Variants in ZYG11A observed in about 807,000 individuals in gnomAD.
ZYG11A encodes zyg-11 family member A, cell cycle regulator.
In ZYG11A, 62 loss-of-function variants were observed where a neutral mutation model predicts 77.2. The ratio of observed to expected loss-of-function variants is 0.80; its 90% CI spans 0.65 to 0.99. The LOEUF (loss-of-function observed/expected upper bound fraction) is 0.99, where lower values mean the gene tolerates loss of function less well. Ranked by LOEUF, ZYG11A falls within the 50% of genes least tolerant of loss-of-function variation. The pLI is 0.00. For missense variants in ZYG11A, 828 were observed against 896.8 expected (o/e 0.92, Z 0.98); for synonymous variants, 315 against 324.6 (o/e 0.97, Z 0.32).
chr1:52,891,969 G>A (rs1442872991), intron 13 of ZYG11A, among the ~76,000 whole-genome samples: 5 of 151,298 alleles, frequency 3.3e-5, no homozygotes, highest in East Asian at 3.9e-4. Context: ...GCGTGATCTC[G>A]GCTCACTGCA....
chr1:52,877,609 C>T (rs1646284023), intron 8 of ZYG11A, 73 bp from the exon 9 acceptor site: 2 of 1,340,942 alleles, frequency 1.5e-6, no homozygotes, highest in Non-Finnish European at 2.0e-6. Flanking sequence ...TGCGTCTTAA[C>T]ATTGCTTTCC....
intron 1 of ZYG11A, among the ~76,000 whole-genome samples, chr1:52,851,301 C>T (rs1645706016): frequency 6.6e-6 from 1 of 152,146 alleles, no homozygotes; most frequent in Admixed American, 6.6e-5. Context: ...CTGCCTTGGC[C>T]TTTGATGCTG....
intron 1 of ZYG11A, among the ~76,000 whole-genome samples, chr1:52,847,149 C>G (rs1645604061): frequency 6.6e-6 from 1 of 152,154 alleles, no homozygotes; most frequent in Non-Finnish European, 1.5e-5. Context: ...TCACTGCAGC[C>G]TCCGCCTCCC....
At chr1:52,886,654 A>G (rs1415595114) in intron 12 of ZYG11A, among the ~76,000 whole-genome samples, 1 of 141,902 alleles carries the variant, frequency 7.0e-6, no homozygotes, top group Admixed American at 7.1e-5. Flanking sequence ...CCACTTGAGG[A>G]TCCTCCCACT....
chr1:52,846,001 T>A (rs945091987), intron 1 of ZYG11A, among the ~76,000 whole-genome samples: 12 of 152,030 alleles, frequency 7.9e-5, no homozygotes, highest in African/African-American at 2.9e-4. Flanking sequence ...TCAGTATTGT[T>A]GGGGTTAAGT....
intron 10 of ZYG11A, among the ~76,000 whole-genome samples, chr1:52,878,341 G>A (rs1646298984): frequency 6.6e-6 from 1 of 152,118 alleles, no homozygotes; most frequent in Admixed American, 6.6e-5. Context: ...TCTTATGTCT[G>A]ACAGTTGGTG....
intron 5 of ZYG11A, 39 bp downstream of exon 5, chr1:52,864,196 G>T (rs1424565346): frequency 1.3e-6 from 2 of 1,534,686 alleles, no homozygotes; most frequent in South Asian, 2.4e-5. Flanking sequence ...TTTTTTTGTT[G>T]TTGTTAATAG....
chr1:52,876,056 G>A (rs900659670), intron 8 of ZYG11A, among the ~76,000 whole-genome samples: 3 of 151,958 alleles, frequency 2.0e-5, no homozygotes, highest in African/African-American at 7.3e-5. Context: ...GGTAGCTTTT[G>A]TTAGGAAGAG....
chr1:52,874,199 T>C (rs1646220981), intron 8 of ZYG11A, among the ~76,000 whole-genome samples: 1 of 151,636 alleles, frequency 6.6e-6, no homozygotes, highest in African/African-American at 2.4e-5. Context: ...TACCACTTGC[T>C]GAAGGCTCAG....
At chr1:52,877,895 G>A in intron 9 of ZYG11A, 30 bp from the exon 10 acceptor site, 1 of 1,551,360 alleles carries the variant, frequency 6.4e-7, no homozygotes, top group African/African-American at 1.4e-5. Flanking sequence ...TCATGATAAA[G>A]TAACCTGTAT....
intron 11 of ZYG11A, among the ~76,000 whole-genome samples, chr1:52,885,255 C>T (rs1646428640): frequency 6.6e-6 from 1 of 151,954 alleles, no homozygotes; most frequent in South Asian, 2.1e-4. Flanking sequence ...TCAGGAAGTA[C>T]CTCACGTGCC....
intron 2 of ZYG11A, among the ~76,000 whole-genome samples, chr1:52,855,955 T>A (rs1418325450): frequency 1.3e-5 from 2 of 152,176 alleles, no homozygotes; most frequent in Admixed American, 6.6e-5. Context: ...TGTGTAAGAG[T>A]TTCTATGTGG....
At chr1:52,855,525 C>CT (rs1306970155) in intron 2 of ZYG11A, among the ~76,000 whole-genome samples, 4 of 152,154 alleles carry the variant, frequency 2.6e-5, no homozygotes, top group African/African-American at 9.7e-5. Context: ...TTTCCATCAC[C>CT]TCAGAAAGAA....
chr1:52,850,059 T>C (rs540319129), intron 1 of ZYG11A, among the ~76,000 whole-genome samples: 16 of 152,330 alleles, frequency 1.1e-4, no homozygotes, highest in African/African-American at 3.6e-4. Flanking sequence ...GTTTTCAACT[T>C]TTTTCCCAAC....
chr1:52,882,350 C>T (rs564330957), intron 11 of ZYG11A, among the ~76,000 whole-genome samples: 1 of 152,308 alleles, frequency 6.6e-6, no homozygotes, highest in East Asian at 1.9e-4. Flanking sequence ...TATAAATCTT[C>T]ATACATATTC....
At chr1:52,866,327 G>A (rs540161790) in intron 5 of ZYG11A, among the ~76,000 whole-genome samples, 176 bp from the exon 6 acceptor site, 1 of 152,170 alleles carries the variant, frequency 6.6e-6, no homozygotes, top group East Asian at 1.9e-4. Context: ...TCCTACTCAA[G>A]TCTTCATTCC....
chr1:52,892,704 A>G, intron 13 of ZYG11A, 78 bp from the exon 14 acceptor site: 2 of 1,249,326 alleles, frequency 1.6e-6, no homozygotes, highest in Non-Finnish European at 2.3e-6. Context: ...TTGTTTCTTC[A>G]GCAAGGTGAA....
chr1:52,870,168 T>C (rs1296974779), intron 8 of ZYG11A, among the ~76,000 whole-genome samples: 2 of 129,162 alleles, frequency 1.5e-5, no homozygotes, highest in South Asian at 2.8e-4. Context: ...AGAGACGCTC[T>C]TCACTTCCTA....
Position 52,881,614 on chromosome 1 carries a change from A to G in ZYG11A, c.1893A>G (p.Arg631=). The G allele has an allele frequency of 1.3e-6, 2 of 1,552,402 alleles. No homozygotes were observed. Among genetic ancestry groups the G allele is most frequent in the Non-Finnish European group, 1.7e-6 (2 of 1,147,144 alleles). ...AGIIAHLTSD[R]QLWISRDFQR... is the part of the protein sequence containing the mutation. ...TCATAGCCCACCTGACATCTGACAG[A>G]CAGCTTTGGATATCCCGTGACTTCC... The change falls in exon 11 of 14, where the codon AGA becomes AGG. Residue 631 remains arginine (R), a synonymous_variant. Transcript: ENST00000371528.
Sources: allele counts gnomAD v4.1 joint callset (sites outside exome capture counted in the v4.1 genomes callset), GRCh38; gene constraint gnomAD v4.1.1; transcripts MANE v1.5; gene names NCBI Gene and HGNC (gene_info 2026-07-23, HGNC 2026-07-21).